Variants in TMC7 observed in about 807,000 individuals in gnomAD.
TMC7 encodes the protein transmembrane channel like 7, also known as transmembrane channel-like protein 7.
TMC7 carries 54 observed loss-of-function variants against 82.9 expected under a neutral mutation model. That is an observed-to-expected ratio of 0.65 (90% confidence interval 0.52 to 0.82). The LOEUF is 0.82. Ranked by LOEUF, TMC7 falls within the 40% of genes least tolerant of loss-of-function variation. The pLI is 0.00. For synonymous variants in TMC7, 350 were observed against 337.9 expected (o/e 1.04, Z -0.39); for missense variants, 820 against 901.2 (o/e 0.91, Z 1.15).
chr16:19,047,585 C>T (rs143563868), intron 12 of TMC7, among the ~76,000 whole-genome samples: 21 of 151,830 alleles, frequency 1.4e-4, no homozygotes, highest in South Asian at 6.2e-4. Flanking sequence ...TTAGTAGAGA[C>T]GGGGTTTCAC....
intron 1 of TMC7, among the ~76,000 whole-genome samples, chr16:18,985,982 A>G (rs185709300): frequency 2.0e-4 from 31 of 151,928 alleles, no homozygotes; most frequent in Admixed American, 1.7e-3. Context: ...ACAGTAAGCT[A>G]TGATTATGAC....
In TMC7 at chr16:19,035,787, G is replaced by A. The variant is rs762671714; in HGVS notation, c.969G>A (p.Ala323=). The change falls in exon 7 of 16, where the codon GCG becomes GCA. Residue 323 remains alanine, a synonymous_variant. Transcript: ENST00000304381. ...WDFCITNRSM[A]DLKHSSLRYE... ...TCTGCATCACTAACCGCAGCATGGC[G>A]GATCTGAAGCACAGCAGCTTGCGGT... The A allele has an allele frequency of 5.0e-6, 8 of 1,608,312 alleles. No homozygotes were observed. The highest frequency in any genetic ancestry group is 2.2e-5 in the East Asian group (1 of 44,760).
chr16:19,059,329 G>A, intron 14 of TMC7, 87 bp from the exon 15 acceptor site: 1 of 1,556,998 alleles, frequency 6.4e-7, no homozygotes, highest in Non-Finnish European at 8.7e-7. Context: ...GAGTAAAACT[G>A]TTCCAAGGAA....
intron 7 of TMC7, among the ~76,000 whole-genome samples, chr16:19,036,235 C>T (rs529549631): frequency 2.0e-5 from 3 of 152,240 alleles, no homozygotes; most frequent in African/African-American, 7.2e-5. Context: ...ACAGACCGGG[C>T]GTGGTGGCTT....
At chr16:19,055,333 T>C (rs1208828292) in intron 13 of TMC7, among the ~76,000 whole-genome samples, 1 of 152,166 alleles carries the variant, frequency 6.6e-6, no homozygotes, top group Non-Finnish European at 1.5e-5. Flanking sequence ...TTTAAATTTC[T>C]CCAATTGTCC....
At chr16:19,045,881 C>T (rs761267713) in intron 11 of TMC7, among the ~76,000 whole-genome samples, 1 of 152,026 alleles carries the variant, frequency 6.6e-6, no homozygotes, top group Non-Finnish European at 1.5e-5. Context: ...TAGGCATGAG[C>T]CACCGCGCCC....
At chr16:19,040,489 C>T in intron 9 of TMC7, 43 bp downstream of exon 9, 1 of 1,563,548 alleles carries the variant, frequency 6.4e-7, no homozygotes, top group Non-Finnish European at 8.7e-7. Context: ...AAGCCAGTCA[C>T]TACCTGCCCA....
chr16:18,994,451 CAAAA>C (rs112762077), intron 1 of TMC7, among the ~76,000 whole-genome samples: 1 of 123,450 alleles, frequency 8.1e-6, no homozygotes. Flanking sequence ...AGACTCTTCT[CAAAA>C]AAAAAAAAAA....
intron 2 of TMC7, among the ~76,000 whole-genome samples, chr16:19,012,947 G>C (rs1377014973): frequency 6.0e-5 from 9 of 150,682 alleles, no homozygotes; most frequent in Admixed American, 6.0e-4. Flanking sequence ...CTCCTGAGTA[G>C]CTGGGATTAC....
At chr16:19,011,941 C>T (rs780000980) in intron 2 of TMC7, among the ~76,000 whole-genome samples, 14 of 151,466 alleles carry the variant, frequency 9.2e-5, no homozygotes, top group African/African-American at 1.7e-4. Context: ...CAGGAGTTCG[C>T]GACCAGCCTG....
At chr16:19,017,538 C>A (rs958356840) in intron 3 of TMC7, among the ~76,000 whole-genome samples, 2 of 151,418 alleles carry the variant, frequency 1.3e-5, no homozygotes, top group African/African-American at 4.8e-5. Context: ...AAACATTATC[C>A]CAGCCAGGTG....
At chr16:19,014,003 G>A (rs761434135) in intron 2 of TMC7, among the ~76,000 whole-genome samples, 30 of 151,928 alleles carry the variant, frequency 2.0e-4, no homozygotes, top group Non-Finnish European at 3.7e-4. Context: ...ACAGGTGCCC[G>A]CCACCGCACC....
At chr16:19,019,755 G>T (rs933836465) in intron 3 of TMC7, among the ~76,000 whole-genome samples, 1 of 152,134 alleles carries the variant, frequency 6.6e-6, no homozygotes, top group African/African-American at 2.4e-5. Flanking sequence ...GTGGTAGACG[G>T]TAGGTTCTCC....
At position 19,061,756 on chromosome 16, in the gene TMC7, A is replaced by C. The variant is rs199640186; in HGVS notation, c.2107-22A>C. On this transcript the variant is annotated intron_variant, in intron 15 of 15. Transcript: ENST00000304381. Reference sequence around the variant, plus strand: ...TTGTTTCCAAATATATTAAATGTACATGTGAACTTATTATTTTTTAGGAAA... The same window carrying C: ...TTGTTTCCAAATATATTAAATGTACCTGTGAACTTATTATTTTTTAGGAAA... 382 of 1,605,390 alleles carry C rather than the reference A, an allele frequency of 2.4e-4. 2 individuals are homozygous for C. The highest frequency in any genetic ancestry group is 3.1e-4 in the Non-Finnish European group (363 of 1,173,474).
chr16:18,986,286 T>G (rs2038846683), intron 1 of TMC7, among the ~76,000 whole-genome samples: 1 of 151,128 alleles, frequency 6.6e-6, no homozygotes, highest in Non-Finnish European at 1.5e-5. Context: ...TCCCAGCTAC[T>G]CGGGAGGCTG....
chr16:19,018,393 T>C (rs527390170), intron 3 of TMC7, among the ~76,000 whole-genome samples: 7 of 152,322 alleles, frequency 4.6e-5, no homozygotes, highest in African/African-American at 1.4e-4. Context: ...CAGGCCTTCT[T>C]GCTGTGTTCA....
chr16:19,025,626 A>G (rs1960184788), intron 5 of TMC7, among the ~76,000 whole-genome samples: 1 of 152,008 alleles, frequency 6.6e-6, no homozygotes, highest in African/African-American at 2.4e-5. Context: ...TCTCAAAACA[A>G]AACAAAACAA....
At chr16:19,025,436 T>C (rs145495310) in intron 5 of TMC7, among the ~76,000 whole-genome samples, 1,920 of 152,004 alleles carry the variant, frequency 0.013, 22 homozygotes, top group Middle Eastern at 0.051. Context: ...TTGGCCAACA[T>C]GGTGAAACCC....
At chr16:19,031,623 A>G (rs1960519815) in intron 6 of TMC7, among the ~76,000 whole-genome samples, 1 of 152,146 alleles carries the variant, frequency 6.6e-6, no homozygotes, top group Non-Finnish European at 1.5e-5. Flanking sequence ...GTGAGCCAAG[A>G]TCGTACCACT....
Sources: allele counts gnomAD v4.1 joint callset (sites outside exome capture counted in the v4.1 genomes callset), GRCh38; gene constraint gnomAD v4.1.1; transcripts MANE v1.5; gene names NCBI Gene and HGNC (gene_info 2026-07-23, HGNC 2026-07-21).